The following CRB1 variants were observed in gnomAD, a reference collection of about 807,000 sequenced individuals.
CRB1 encodes crumbs cell polarity complex component 1, also known as protein crumbs homolog 1.
In CRB1, 83 loss-of-function variants were observed where a neutral mutation model predicts 120.0. That is an observed-to-expected ratio of 0.69 (90% CI 0.58 to 0.83). The LOEUF (loss-of-function observed/expected upper bound fraction) is 0.83. CRB1 is among the 40% of genes least tolerant of loss of function. The pLI, the probability that CRB1 is intolerant of heterozygous loss-of-function variation, is 0.00. For synonymous variants in CRB1, 625 were observed against 612.5 expected, an observed-to-expected ratio of 1.02 and a Z score of -0.30; for missense variants, 1,699 against 1,687.6, an observed-to-expected ratio of 1.01 and a Z score of -0.12.
intron 2 of CRB1, among the ~76,000 whole-genome samples, chr1:197,342,677 A>G (rs982388108): frequency 6.6e-6 from 1 of 152,104 alleles, no homozygotes; most frequent in African/African-American, 2.4e-5. Context: ...GGTTATTCTA[A>G]ATTCTCTTTT....
At chr1:197,477,175 T>C (rs969491505) in intron 11 of CRB1, among the ~76,000 whole-genome samples, 2 of 152,206 alleles carry the variant, frequency 1.3e-5, no homozygotes, top group Non-Finnish European at 1.5e-5. Flanking sequence ...GTCCCTCCTC[T>C]GTGTCAAGAA....
At chr1:197,475,871 A>C (rs1667174255) in intron 11 of CRB1, among the ~76,000 whole-genome samples, 1 of 151,978 alleles carries the variant, frequency 6.6e-6, no homozygotes, top group African/African-American at 2.4e-5. Context: ...TCTTTCCCTA[A>C]ATTCTAAGGA....
chr1:197,231,151 T>G, the CRB1 span, among the ~76,000 whole-genome samples: 1 of 152,204 alleles, frequency 6.6e-6, no homozygotes, highest in Non-Finnish European at 1.5e-5. Context: ...AGCTTCTTTA[T>G]TACATGTTTT....
intron 4 of CRB1, among the ~76,000 whole-genome samples, chr1:197,351,331 G>A (rs1419243492): frequency 4.7e-5 from 6 of 127,668 alleles, no homozygotes; most frequent in Non-Finnish European, 9.2e-5. Flanking sequence ...CTGCACTCCA[G>A]CCTGTACTCC....
In CRB1 at chr1:197,478,206, A is replaced by ATTTTAGT. The variant is rs886045790; in HGVS notation, c.*331_*337dup. ...TTTCCTCTTTTCAACCTGGGAACAA[A>ATTTTAGT]TTTTAGTTTTCATTTTAGGTTTCTG... On this transcript the variant is annotated 3_prime_UTR_variant, in exon 12 of 12. Transcript: ENST00000367400. 5.9e-6 allele frequency: 2 copies of ATTTTAGT among 340,516 alleles called. No individual in the cohort carries two copies. The highest frequency in any genetic ancestry group is 9.0e-5 in the Admixed American group (2 of 22,196). The allele number at this position is 340,516 out of a possible 1,614,324, so 21.1% of individuals were successfully genotyped here.
At chr1:197,474,461 C>A (rs989027018) in intron 11 of CRB1, among the ~76,000 whole-genome samples, 2 of 152,132 alleles carry the variant, frequency 1.3e-5, no homozygotes, top group African/African-American at 4.8e-5. Context: ...AACAGCAAAG[C>A]AACTGTAGAT....
the CRB1 span, among the ~76,000 whole-genome samples, chr1:197,255,989 A>ATATATATATATATC: frequency 7.4e-6 from 1 of 135,420 alleles, no homozygotes; most frequent in East Asian, 2.6e-4. Context: ...ATATATATAT[A>ATATATATATATATC]TATATATACA....
chr1:197,304,503 G>T, intron 1 of CRB1: 1 of 418,756 alleles, frequency 2.4e-6, no homozygotes, highest in Non-Finnish European at 3.2e-6. Flanking sequence ...TTATTTAGAT[G>T]CCTCTGTGGT....
At chr1:197,252,204 A>G in the CRB1 span, among the ~76,000 whole-genome samples, 1 of 151,886 alleles carries the variant, frequency 6.6e-6, no homozygotes, top group Non-Finnish European at 1.5e-5. Flanking sequence ...CTGTGCTCCA[A>G]TAAAACTTTA....
intron 5 of CRB1, among the ~76,000 whole-genome samples, chr1:197,391,260 A>G (rs1662491577): frequency 1.3e-5 from 2 of 152,068 alleles, no homozygotes. Flanking sequence ...CAGGACAGAA[A>G]CCTTATAAAA....
At chr1:197,377,905 A>C (rs1425372003) in intron 5 of CRB1, among the ~76,000 whole-genome samples, 3 of 152,170 alleles carry the variant, frequency 2.0e-5, no homozygotes, top group Admixed American at 2.0e-4. Flanking sequence ...TTCCTAGCTT[A>C]AGGCAAATTT....
chr1:197,282,067 GAAA>G (rs139819098), intron 1 of CRB1, among the ~76,000 whole-genome samples: 1 of 128,650 alleles, frequency 7.8e-6, no homozygotes, highest in Non-Finnish European at 1.8e-5. Context: ...TCATAAAAAT[GAAA>G]AAAAAAAGAA....
chr1:197,473,238 G>T (rs147765107), intron 11 of CRB1, among the ~76,000 whole-genome samples: 1 of 152,350 alleles, frequency 6.6e-6, no homozygotes, highest in East Asian at 1.9e-4. Context: ...TGCTTAGCAA[G>T]TGCATGCTGT....
At chr1:197,394,153 C>A (rs1241695426) in intron 5 of CRB1, among the ~76,000 whole-genome samples, 1 of 152,004 alleles carries the variant, frequency 6.6e-6, no homozygotes, top group African/African-American at 2.4e-5. Flanking sequence ...ACAACAAGAC[C>A]AACCCTTCTA....
Position 197,421,373 on chromosome 1 carries a change from G to A in CRB1, c.1545G>A (p.Gln515=). ...TTTGTAACATAGCCCTCAGGTTTCAGACTGTTCAGCCAATGGCTCTTCTAC... is the reference window on the plus strand; with the variant it reads ...TTTGTAACATAGCCCTCAGGTTTCAAACTGTTCAGCCAATGGCTCTTCTAC... ...GSVCNIALRF[Q]TVQPMALLLF... is the part of the protein sequence containing the mutation. Residue 515 remains glutamine (Q), a synonymous_variant, in exon 6 of 12, where the codon CAG becomes CAA. Transcript: ENST00000367400. 2 of 1,614,224 alleles carry A rather than the reference G, an allele frequency of 1.2e-6. No homozygotes were observed. Among genetic ancestry groups the A allele is most frequent in the Non-Finnish European group, 1.7e-6 (2 of 1,180,044 alleles).
the CRB1 span, among the ~76,000 whole-genome samples, chr1:197,210,346 G>A: frequency 6.6e-6 from 1 of 152,092 alleles, no homozygotes; most frequent in Admixed American, 6.6e-5. Flanking sequence ...TCCATAATGT[G>A]GTAGGCCTCA....
intron 1 of CRB1, among the ~76,000 whole-genome samples, chr1:197,278,163 G>A (rs1218198744): frequency 1.3e-5 from 2 of 151,858 alleles, no homozygotes; most frequent in African/African-American, 4.8e-5. Flanking sequence ...TTTAGGGGGT[G>A]GGGCCTTTGG....
intron 5 of CRB1, among the ~76,000 whole-genome samples, chr1:197,382,601 A>G (rs1662012769): frequency 6.6e-6 from 1 of 152,234 alleles, no homozygotes; most frequent in Admixed American, 6.5e-5. Flanking sequence ...TTTAAGTATC[A>G]AATGAATGTG....
chr1:197,450,784 C>CAAAAAAAA (rs71131758), intron 11 of CRB1, among the ~76,000 whole-genome samples: 16 of 59,624 alleles, frequency 2.7e-4, no homozygotes, highest in African/African-American at 5.1e-4. Context: ...ACTAAAAATA[C>CAAAAAAAA]AAAAAAAAAA....
Sources: allele counts gnomAD v4.1 joint callset (sites outside exome capture counted in the v4.1 genomes callset), GRCh38; gene constraint gnomAD v4.1.1; transcripts MANE v1.5; gene names NCBI Gene and HGNC (gene_info 2026-07-23, HGNC 2026-07-21).